LRRTM4: variants seen among roughly 807,000 people sequenced by gnomAD.
LRRTM4 encodes the protein leucine-rich repeat transmembrane neuronal protein 4.
Under a neutral mutation model 47.6 loss-of-function variants are expected in LRRTM4, and 25 were observed. The ratio of observed to expected loss-of-function variants is 0.53; its 90% CI spans 0.38 to 0.73. LRRTM4 has a LOEUF of 0.73. Among genes scored for constraint, LRRTM4 ranks in the 30% least tolerant of loss-of-function variants. The pLI, the probability that LRRTM4 is intolerant of heterozygous loss-of-function variation, is 0.00. For synonymous variants in LRRTM4, 311 were observed against 269.5 expected, an observed-to-expected ratio of 1.15 and a Z score of -1.51; for missense variants, 638 against 713.4, an observed-to-expected ratio of 0.89 and a Z score of 1.20.
At chr2:76,885,918 T>C (rs921229627) in intron 3 of LRRTM4, among the ~76,000 whole-genome samples, 3 of 152,136 alleles carry the variant, frequency 2.0e-5, no homozygotes, top group Non-Finnish European at 4.4e-5. Flanking sequence ...TTCAACTCAT[T>C]TGAAGAAACT....
intron 3 of LRRTM4, 69 bp downstream of exon 3, chr2:77,518,249 C>A: frequency 6.8e-7 from 1 of 1,460,672 alleles, no homozygotes; most frequent in Non-Finnish European, 9.0e-7. Flanking sequence ...AGAGACACCT[C>A]TAGGGCTTCA....
At chr2:76,863,067 C>A (rs1342208208) in intron 3 of LRRTM4, among the ~76,000 whole-genome samples, 1 of 152,156 alleles carries the variant, frequency 6.6e-6, no homozygotes, top group Non-Finnish European at 1.5e-5. Context: ...TTAAACACGT[C>A]TGACATTGAA....
chr2:77,190,454 C>T (rs943251507), intron 3 of LRRTM4, among the ~76,000 whole-genome samples: 1 of 151,928 alleles, frequency 6.6e-6, no homozygotes, highest in African/African-American at 2.4e-5. Flanking sequence ...GCCACCACAC[C>T]CAGCTAAATT....
At chr2:77,398,594 T>G (rs1458829075) in intron 3 of LRRTM4, among the ~76,000 whole-genome samples, 1 of 151,854 alleles carries the variant, frequency 6.6e-6, no homozygotes, top group Non-Finnish European at 1.5e-5. Flanking sequence ...AATAATGGAT[T>G]GTGTGTGAAA....
At chr2:77,139,161 A>T (rs759635291) in intron 3 of LRRTM4, among the ~76,000 whole-genome samples, 19 of 151,890 alleles carry the variant, frequency 1.3e-4, no homozygotes, top group Non-Finnish European at 1.9e-4. Flanking sequence ...GCTGACAGAG[A>T]CACAACAAAA....
intron 3 of LRRTM4, among the ~76,000 whole-genome samples, chr2:77,475,365 C>T (rs376244577): frequency 6.6e-6 from 1 of 151,946 alleles, no homozygotes; most frequent in Non-Finnish European, 1.5e-5. Context: ...AGATAGATAG[C>T]CAGCATTATT....
chr2:77,139,714 T>C (rs559127395), intron 3 of LRRTM4, among the ~76,000 whole-genome samples: 11 of 152,304 alleles, frequency 7.2e-5, no homozygotes, highest in African/African-American at 2.6e-4. Context: ...TGATTATATA[T>C]TTAGAAAACC....
At chr2:77,067,008 G>A (rs1048069866) in intron 3 of LRRTM4, among the ~76,000 whole-genome samples, 1 of 152,120 alleles carries the variant, frequency 6.6e-6, no homozygotes, top group African/African-American at 2.4e-5. Context: ...TTCATGACAA[G>A]GTATTGGCCA....
chr2:76,771,051 ATGTTATT>A (rs1390465992), intron 3 of LRRTM4, among the ~76,000 whole-genome samples: 2 of 152,204 alleles, frequency 1.3e-5, no homozygotes, highest in African/African-American at 4.8e-5. Flanking sequence ...CTGTTTAATG[ATGTTATT>A]CCTAGCTCCT....
intron 2 of LRRTM4, among the ~76,000 whole-genome samples, chr2:77,520,418 G>GA (rs1327391863): frequency 7.9e-5 from 12 of 151,996 alleles, no homozygotes; most frequent in Admixed American, 2.0e-4. Flanking sequence ...TGTGAGCTCT[G>GA]AAAAAACAGC....
chr2:76,945,549 C>A (rs1387657831), intron 3 of LRRTM4, among the ~76,000 whole-genome samples: 1 of 151,340 alleles, frequency 6.6e-6, no homozygotes, highest in Non-Finnish European at 1.5e-5. Context: ...AAAGAAGCAG[C>A]ATTTGATTAC....
chr2:76,834,249 C>T (rs926133405), intron 3 of LRRTM4, among the ~76,000 whole-genome samples: 16 of 149,732 alleles, frequency 1.1e-4, no homozygotes, highest in African/African-American at 3.9e-4. Flanking sequence ...TGGGGTTTCA[C>T]TATATTGGCC....
At chr2:77,120,309 A>G (rs1359066072) in intron 3 of LRRTM4, among the ~76,000 whole-genome samples, 1 of 151,758 alleles carries the variant, frequency 6.6e-6, no homozygotes, top group African/African-American at 2.4e-5. Context: ...TTCTCAAATG[A>G]CTTTGTAAAT....
At chr2:77,271,850 A>C (rs1358717160) in intron 3 of LRRTM4, among the ~76,000 whole-genome samples, 1 of 152,104 alleles carries the variant, frequency 6.6e-6, no homozygotes, top group Non-Finnish European at 1.5e-5. Context: ...TTTCCTACGA[A>C]AATATGCCTC....
intron 3 of LRRTM4, among the ~76,000 whole-genome samples, chr2:77,043,669 A>G (rs906060832): frequency 6.6e-6 from 1 of 151,824 alleles, no homozygotes; most frequent in Admixed American, 6.6e-5. Context: ...AAATTATCAT[A>G]TAAATGTGCA....
intron 3 of LRRTM4, among the ~76,000 whole-genome samples, chr2:76,873,520 A>ATATG (rs1672695746): frequency 2.1e-5 from 3 of 143,568 alleles, no homozygotes; most frequent in Non-Finnish European, 3.0e-5. Flanking sequence ...ATATATATAT[A>ATATG]TATATATATA....
chr2:77,002,853 G>A (rs983697322), intron 3 of LRRTM4, among the ~76,000 whole-genome samples: 2 of 151,990 alleles, frequency 1.3e-5, no homozygotes, highest in Admixed American at 1.3e-4. Flanking sequence ...TCATCACATT[G>A]TCCTGTTCTA....
chr2:77,165,787 T>G (rs1672863799), intron 3 of LRRTM4, among the ~76,000 whole-genome samples: 1 of 152,166 alleles, frequency 6.6e-6, no homozygotes, highest in African/African-American at 2.4e-5. Context: ...TCTCAATAAA[T>G]TAGGTATTGA....
intron 3 of LRRTM4, among the ~76,000 whole-genome samples, chr2:77,093,274 C>G (rs1392982721): frequency 6.8e-6 from 1 of 146,536 alleles, no homozygotes; most frequent in Admixed American, 6.8e-5. Flanking sequence ...AATAAATAAT[C>G]TTTGCTGGCA....
Sources: allele counts gnomAD v4.1 joint callset (sites outside exome capture counted in the v4.1 genomes callset), GRCh38; gene constraint gnomAD v4.1.1; transcripts MANE v1.5; gene names NCBI Gene and HGNC (gene_info 2026-07-23, HGNC 2026-07-21).